WDPCP: variants seen among roughly 807,000 people sequenced by gnomAD.
WDPCP encodes the protein WD repeat-containing and planar cell polarity effector protein fritz homolog.
A neutral mutation model predicts 93.1 loss-of-function variants in WDPCP; 71 were observed. The observed-to-expected ratio is 0.76, with a 90% confidence interval of 0.63 to 0.93. The LOEUF is 0.93. Among genes scored for constraint, WDPCP ranks in the 40% least tolerant of loss-of-function variants. The pLI is 0.00. For missense variants in WDPCP, 844 were observed against 887.4 expected (o/e 0.95, Z 0.62); for synonymous variants, 315 against 315.0 (o/e 1.00, Z 0.00).
chr2:63,653,288 A>G (rs1710128940), intron 2 of WDPCP, among the ~76,000 whole-genome samples: 1 of 152,202 alleles, frequency 6.6e-6, no homozygotes, highest in African/African-American at 2.4e-5. Flanking sequence ...AAGAGTAATT[A>G]TTGGGACACT....
At chr2:63,150,002 TA>T (rs960410535) in intron 17 of WDPCP, among the ~76,000 whole-genome samples, 4 of 147,884 alleles carry the variant, frequency 2.7e-5, no homozygotes, top group Non-Finnish European at 3.0e-5. Flanking sequence ...CTCTTTCTCT[TA>T]AAAAAAAAAG....
intron 2 of WDPCP, among the ~76,000 whole-genome samples, chr2:63,770,443 T>C (rs1363183307): frequency 6.6e-6 from 1 of 152,000 alleles, no homozygotes. Flanking sequence ...TATTAAATTA[T>C]CTGTATTCAA....
intron 1 of WDPCP, among the ~76,000 whole-genome samples, chr2:63,545,101 T>C (rs1316533840): frequency 1.3e-5 from 2 of 152,154 alleles, no homozygotes; most frequent in Non-Finnish European, 2.9e-5. Context: ...ATCCATTATC[T>C]ACACTTGGGA....
chr2:63,414,903 G>A (rs1222555521), intron 9 of WDPCP, among the ~76,000 whole-genome samples: 1 of 152,036 alleles, frequency 6.6e-6, no homozygotes, highest in Non-Finnish European at 1.5e-5. Context: ...GTAAGACCAT[G>A]GACTTATGTA....
At chr2:63,249,937 A>G (rs756508228) in intron 14 of WDPCP, among the ~76,000 whole-genome samples, 3 of 152,240 alleles carry the variant, frequency 2.0e-5, no homozygotes, top group Non-Finnish European at 2.9e-5. Flanking sequence ...GAGGTGCAAC[A>G]GCACAACTCA....
At chr2:63,634,930 A>G (rs1169139256) in intron 3 of WDPCP, among the ~76,000 whole-genome samples, 3 of 152,130 alleles carry the variant, frequency 2.0e-5, no homozygotes. Flanking sequence ...GAAAAGATCA[A>G]TGGTACTAAG....
Position 63,633,833 on chromosome 2 carries a change from G to A in WDPCP, n.488+16826C>T, listed in dbSNP as rs1006513308. ...TCCCAGCACTTTCGGAGGCCAAGGCGGGTGGATCACTTGTGTTCAGGAGTT... is the reference window on the plus strand; with the variant it reads ...TCCCAGCACTTTCGGAGGCCAAGGCAGGTGGATCACTTGTGTTCAGGAGTT... On this transcript the variant is annotated intron_variant and non_coding_transcript_variant, in intron 3 of 4. Coordinates refer to the WDPCP transcript ENST00000467687. Among the ~76,000 whole-genome samples, 40 of 152,262 alleles carry A rather than the reference G, an allele frequency of 2.6e-4. 1 individual carries two copies. Among genetic ancestry groups the A allele is most frequent in the Admixed American group, 9.2e-4 (14 of 15,292 alleles).
At chr2:63,292,786 T>C (rs1684543591) in intron 13 of WDPCP, among the ~76,000 whole-genome samples, 1 of 152,238 alleles carries the variant, frequency 6.6e-6, no homozygotes, top group Non-Finnish European at 1.5e-5. Context: ...ATAATTGCAT[T>C]GGCAGAATCT....
the WDPCP span, among the ~76,000 whole-genome samples, chr2:63,835,771 C>G: frequency 6.6e-6 from 1 of 152,100 alleles, no homozygotes; most frequent in Non-Finnish European, 1.5e-5. Flanking sequence ...CTTTTATTCT[C>G]TAATCATATT....
intron 3 of WDPCP, among the ~76,000 whole-genome samples, chr2:63,636,152 A>G (rs994884231): frequency 3.9e-5 from 6 of 152,234 alleles, no homozygotes; most frequent in African/African-American, 7.2e-5. Context: ...AATTTTAACT[A>G]TGGAGGTAAA....
At chr2:63,808,875 G>A (rs572256733) in intron 2 of WDPCP, among the ~76,000 whole-genome samples, 9 of 151,752 alleles carry the variant, frequency 5.9e-5, no homozygotes, top group African/African-American at 1.5e-4. Context: ...CTGCCCGGCC[G>A]CCATCCCATC....
chr2:63,122,133 T>C, intron 17 of WDPCP, 77 bp from the exon 18 acceptor site: 1 of 1,200,966 alleles, frequency 8.3e-7, no homozygotes, highest in Non-Finnish European at 1.2e-6. Context: ...TTTATTATTT[T>C]TAAGTACTGA....
At chr2:63,716,072 GA>G (rs1279569083) in intron 2 of WDPCP, among the ~76,000 whole-genome samples, 1 of 152,170 alleles carries the variant, frequency 6.6e-6, no homozygotes, top group African/African-American at 2.4e-5. Flanking sequence ...GACACTAAAG[GA>G]GAGTATAATG....
At chr2:63,328,998 G>T (rs1385019550) in intron 12 of WDPCP, among the ~76,000 whole-genome samples, 1 of 152,186 alleles carries the variant, frequency 6.6e-6, no homozygotes, top group Non-Finnish European at 1.5e-5. Context: ...AAGTGCTACA[G>T]GCGTGAGCCA....
chr2:63,659,504 C>T (rs1309872371), intron 2 of WDPCP, among the ~76,000 whole-genome samples: 1 of 152,072 alleles, frequency 6.6e-6, no homozygotes, highest in Non-Finnish European at 1.5e-5. Context: ...GACACACAAA[C>T]AAGAGGAGGA....
At chr2:63,706,182 T>C (rs1210026682) in intron 2 of WDPCP, among the ~76,000 whole-genome samples, 3 of 146,680 alleles carry the variant, frequency 2.0e-5, no homozygotes, top group Non-Finnish European at 3.1e-5. Context: ...ATTTTGAGCC[T>C]ACGTGTGTCT....
At chr2:63,773,544 AT>A (rs1670260408) in intron 2 of WDPCP, among the ~76,000 whole-genome samples, 1 of 152,082 alleles carries the variant, frequency 6.6e-6, no homozygotes, top group Admixed American at 6.6e-5. Context: ...TTGTATAAAA[AT>A]TTATTAAGCT....
intron 1 of WDPCP, among the ~76,000 whole-genome samples, chr2:63,553,301 T>G (rs1287891224): frequency 6.6e-6 from 1 of 152,236 alleles, no homozygotes; most frequent in Non-Finnish European, 1.5e-5. Flanking sequence ...AATCATTTAT[T>G]TCAAGGTTGT....
chr2:63,457,268 A>T (rs1575456486), intron 6 of WDPCP, among the ~76,000 whole-genome samples: 1 of 152,316 alleles, frequency 6.6e-6, no homozygotes, highest in East Asian at 1.9e-4. Flanking sequence ...ACCCACCAAG[A>T]CTGAATCAGG....
Sources: gnomAD v4.1 joint callset for allele counts (sites outside exome capture counted in the v4.1 genomes callset) on GRCh38, gnomAD v4.1.1 for gene constraint, MANE v1.5 for transcripts, NCBI Gene and HGNC (gene_info 2026-07-23, HGNC 2026-07-21) for gene names.